The following ZBTB20 variants were observed in gnomAD, a reference collection of about 807,000 sequenced individuals.
ZBTB20 encodes the protein zinc finger and BTB domain containing 20, also known as zinc finger and BTB domain-containing protein 20.
A neutral mutation model predicts 56.9 loss-of-function variants in ZBTB20; 9 were observed. That is an observed-to-expected ratio of 0.16 (90% confidence interval 0.10 to 0.28). ZBTB20 has a LOEUF of 0.28. Ranked by LOEUF, ZBTB20 falls within the 10% of genes least tolerant of loss-of-function variation. The pLI is 1.00. For missense variants in ZBTB20, 655 were observed against 1,003.0 expected, an observed-to-expected ratio of 0.65 and a Z score of 4.69; for synonymous variants, 417 against 420.7, an observed-to-expected ratio of 0.99 and a Z score of 0.11.
intron 6 of ZBTB20, among the ~76,000 whole-genome samples, chr3:114,507,877 A>G (rs1178224532): frequency 6.6e-6 from 1 of 152,200 alleles, no homozygotes; most frequent in Non-Finnish European, 1.5e-5. Context: ...TTACATTCAA[A>G]ATAGTAATAT....
chr3:115,006,968 A>C (rs1366553396), intron 2 of ZBTB20, among the ~76,000 whole-genome samples: 1 of 151,750 alleles, frequency 6.6e-6, no homozygotes, highest in Non-Finnish European at 1.5e-5. Context: ...TTTCTGATTT[A>C]ATGTAGCAAT....
chr3:114,679,803 T>C (rs985433614), intron 6 of ZBTB20, among the ~76,000 whole-genome samples: 43 of 152,126 alleles, frequency 2.8e-4, no homozygotes, highest in Admixed American at 2.8e-3. Context: ...CCAAAAAAAT[T>C]ATAAATCATT....
chr3:115,082,678 A>G (rs1576736456), intron 1 of ZBTB20, among the ~76,000 whole-genome samples: 1 of 152,238 alleles, frequency 6.6e-6, no homozygotes, highest in South Asian at 2.1e-4. Context: ...AATAGAAAAC[A>G]ATTTAAAATG....
chr3:114,961,742 C>G (rs2077461130), intron 3 of ZBTB20, among the ~76,000 whole-genome samples: 1 of 152,068 alleles, frequency 6.6e-6, no homozygotes, highest in Non-Finnish European at 1.5e-5. Flanking sequence ...CTTCTTTGTT[C>G]ATTCACCATG....
chr3:114,429,880 C>A (rs758775091), intron 7 of ZBTB20, among the ~76,000 whole-genome samples: 3 of 149,630 alleles, frequency 2.0e-5, no homozygotes, highest in Non-Finnish European at 3.0e-5. Context: ...AATACTATCC[C>A]ATTTTATATT....
chr3:114,988,039 GA>G (rs2078622135), intron 2 of ZBTB20, among the ~76,000 whole-genome samples: 1 of 148,970 alleles, frequency 6.7e-6, no homozygotes, highest in South Asian at 2.1e-4. Flanking sequence ...TTTTTTGAAA[GA>G]AACTTTTTAT....
chr3:115,103,218 G>A (rs2083631726), intron 1 of ZBTB20, among the ~76,000 whole-genome samples: 1 of 152,158 alleles, frequency 6.6e-6, no homozygotes, highest in Non-Finnish European at 1.5e-5. Context: ...GATATGTCAT[G>A]GGGCAATTTG....
At chr3:114,914,410 T>C (rs1172138108) in intron 3 of ZBTB20, among the ~76,000 whole-genome samples, 1 of 152,110 alleles carries the variant, frequency 6.6e-6, no homozygotes, top group South Asian at 2.1e-4. Flanking sequence ...CACTGACTTT[T>C]GTATGTTGAC....
intron 7 of ZBTB20, among the ~76,000 whole-genome samples, chr3:114,468,003 A>G (rs1223596707): frequency 4.6e-5 from 7 of 152,250 alleles, no homozygotes; most frequent in East Asian, 3.9e-4. Context: ...CTAGCCTCTA[A>G]GAGTTTTTGT....
chr3:114,649,101 A>G (rs2059996791), intron 6 of ZBTB20, among the ~76,000 whole-genome samples: 1 of 152,002 alleles, frequency 6.6e-6, no homozygotes, highest in Non-Finnish European at 1.5e-5. Context: ...TTAATTTGAC[A>G]GAGGAGCCAA....
chr3:114,404,834 C>A (rs1254131928), intron 7 of ZBTB20, among the ~76,000 whole-genome samples: 1 of 152,170 alleles, frequency 6.6e-6, no homozygotes, highest in Admixed American at 6.5e-5. Context: ...TAATTCCCTT[C>A]ACCTAGAATG....
At chr3:114,602,636 G>A (rs1008420043) in intron 6 of ZBTB20, among the ~76,000 whole-genome samples, 18 of 151,894 alleles carry the variant, frequency 1.2e-4, no homozygotes, top group Admixed American at 3.3e-4. Context: ...TTTGCTCACT[G>A]TTGTATCTCC....
At chr3:114,387,084 A>G (rs1433778177) in intron 8 of ZBTB20, among the ~76,000 whole-genome samples, 1 of 152,088 alleles carries the variant, frequency 6.6e-6, no homozygotes, top group Non-Finnish European at 1.5e-5. Flanking sequence ...TTATATATAT[A>G]TCATCTCATT....
chr3:115,105,558 A>G (rs2083696347), intron 1 of ZBTB20, among the ~76,000 whole-genome samples: 1 of 152,190 alleles, frequency 6.6e-6, no homozygotes, highest in Non-Finnish European at 1.5e-5. Flanking sequence ...ACTAACACAG[A>G]ATAGTGAAAA....
At chr3:114,905,168 T>G (rs1476074933) in intron 3 of ZBTB20, among the ~76,000 whole-genome samples, 1 of 151,978 alleles carries the variant, frequency 6.6e-6, no homozygotes, top group Non-Finnish European at 1.5e-5. Flanking sequence ...TTTTATGACT[T>G]AACTTAAACT....
At chr3:114,907,115 A>G (rs1048271961) in intron 3 of ZBTB20, among the ~76,000 whole-genome samples, 5 of 151,814 alleles carry the variant, frequency 3.3e-5, no homozygotes, top group African/African-American at 7.2e-5. Context: ...ATTATTTACT[A>G]TAATAAAGTA....
At chr3:114,516,953 T>C (rs2046070106) in intron 6 of ZBTB20, among the ~76,000 whole-genome samples, 1 of 152,294 alleles carries the variant, frequency 6.6e-6, no homozygotes, top group Admixed American at 6.5e-5. Context: ...TGGTAGTTCG[T>C]TACAAAGCCC....
chr3:114,779,184 T>G (rs565565059), intron 5 of ZBTB20, among the ~76,000 whole-genome samples: 40 of 152,296 alleles, frequency 2.6e-4, no homozygotes, highest in African/African-American at 9.6e-4. Flanking sequence ...TCTATTTGCT[T>G]TAACACTATG....
intron 5 of ZBTB20, among the ~76,000 whole-genome samples, chr3:114,790,768 A>G (rs1391695313): frequency 6.6e-6 from 1 of 151,748 alleles, no homozygotes; most frequent in Non-Finnish European, 1.5e-5. Flanking sequence ...GGGAGACATA[A>G]CAGTAAGTTT....
Sources: allele counts gnomAD v4.1 joint callset (sites outside exome capture counted in the v4.1 genomes callset), GRCh38; gene constraint gnomAD v4.1.1; transcripts MANE v1.5; gene names NCBI Gene and HGNC (gene_info 2026-07-23, HGNC 2026-07-21).